The following PDE4B variants were observed in gnomAD, a reference collection of about 807,000 sequenced individuals.
PDE4B encodes 3',5'-cyclic-AMP phosphodiesterase 4B.
In PDE4B, 20 loss-of-function variants were observed where a neutral mutation model predicts 82.2. The observed-to-expected ratio is 0.24, with a 90% CI of 0.17 to 0.35. PDE4B has a LOEUF of 0.35. Ranked by LOEUF, PDE4B falls within the 10% of genes least tolerant of loss-of-function variation. PDE4B has a pLI of 1.00. For synonymous variants in PDE4B, 320 were observed against 318.9 expected (o/e 1.00, Z -0.04); for missense variants, 655 against 907.2 (o/e 0.72, Z 3.57).
chr1:65,994,605 A>G (rs1469015809), intron 3 of PDE4B, among the ~76,000 whole-genome samples: 1 of 152,106 alleles, frequency 6.6e-6, no homozygotes, highest in African/African-American at 2.4e-5. Context: ...GTATTTTCTT[A>G]TAGTTTGCTG....
At chr1:65,842,586 TATA>T (rs1343380246) in intron 1 of PDE4B, among the ~76,000 whole-genome samples, 1 of 152,164 alleles carries the variant, frequency 6.6e-6, no homozygotes. Context: ...ATTTAAGTCC[TATA>T]ATGTTCATCC....
rs553999487 is a variant in PDE4B, at chr1:65,928,424, A to T, written c.281+9589A>T. 8.3e-4 allele frequency among the ~76,000 whole-genome samples: 126 copies of T among 152,260 alleles called. 1 individual carries two copies. Among genetic ancestry groups the T allele is most frequent in the African/African-American group, 2.9e-3 (121 of 41,550 alleles). The stretch of plus-strand genomic sequence containing the variant: ...AATGCCATAACTCTACACGAGTCAG[A>T]CCATTCTGATTGCCACTTTGCCTCT... On this transcript the variant is annotated intron_variant, in intron 3 of 16. Coordinates refer to ENST00000341517, the MANE Select transcript of PDE4B (RefSeq NM_002600.4).
chr1:65,885,987 C>A (rs530777653), intron 1 of PDE4B, among the ~76,000 whole-genome samples: 1 of 150,826 alleles, frequency 6.6e-6, no homozygotes, highest in Non-Finnish European at 1.5e-5. Flanking sequence ...ACCTAAAATT[C>A]GGCCAGTTTG....
chr1:66,140,517 C>G (rs1248721597), intron 3 of PDE4B, among the ~76,000 whole-genome samples: 1 of 152,074 alleles, frequency 6.6e-6, no homozygotes. Flanking sequence ...TCAATTTGTA[C>G]TATACCAAAA....
chr1:66,368,384 G>T (rs1032172253), intron 15 of PDE4B, among the ~76,000 whole-genome samples: 4 of 152,192 alleles, frequency 2.6e-5, no homozygotes, highest in Non-Finnish European at 5.9e-5. Flanking sequence ...CTTGAAGTTT[G>T]TTAGGTCTGT....
chr1:66,208,186 G>A (rs1649717679), intron 3 of PDE4B, among the ~76,000 whole-genome samples: 1 of 152,160 alleles, frequency 6.6e-6, no homozygotes, highest in Non-Finnish European at 1.5e-5. Context: ...GCTCATAAAT[G>A]GTTTCTAATC....
Position 66,115,800 on chromosome 1 carries a change from A to T in PDE4B, c.282-131660A>T, listed in dbSNP as rs1645583337. ...TTGATAAAATGGCCTTGTTTTGATG[A>T]TAATGCTCTTTTGTTTAAATTCTGA... On this transcript the variant is annotated intron_variant, in intron 3 of 16. Coordinates refer to ENST00000341517, the MANE Select transcript of PDE4B (RefSeq NM_002600.4). Among the ~76,000 whole-genome samples the T allele has an allele frequency of 2.0e-5, 3 of 152,298 alleles. No homozygotes were observed. The South Asian group carries it at 6.2e-4, about 32-fold the overall frequency.
chr1:65,900,459 C>G (rs182887520), intron 1 of PDE4B, among the ~76,000 whole-genome samples: 2 of 151,624 alleles, frequency 1.3e-5, no homozygotes, highest in African/African-American at 2.4e-5. Context: ...TAATTTCACA[C>G]GAATTTTAGA....
chr1:65,928,555 G>A (rs766560317), intron 3 of PDE4B, among the ~76,000 whole-genome samples: 9 of 152,266 alleles, frequency 5.9e-5, no homozygotes, highest in Non-Finnish European at 8.8e-5. Context: ...TTTAAATTTT[G>A]TGGTTGAGTG....
chr1:65,966,591 A>G (rs1327500558), intron 3 of PDE4B, among the ~76,000 whole-genome samples: 3 of 152,148 alleles, frequency 2.0e-5, no homozygotes, highest in Non-Finnish European at 2.9e-5. Context: ...TATAGCCAAG[A>G]CAATCCTAAG....
chr1:66,093,692 A>G (rs1570212933), intron 3 of PDE4B, among the ~76,000 whole-genome samples: 1 of 152,018 alleles, frequency 6.6e-6, no homozygotes, highest in African/African-American at 2.4e-5. Context: ...TTTAAATAGA[A>G]CCACTTATTT....
chr1:65,860,291 T>C (rs953835418), intron 1 of PDE4B, among the ~76,000 whole-genome samples: 2 of 152,216 alleles, frequency 1.3e-5, no homozygotes, highest in South Asian at 2.1e-4. Context: ...AGTGAGAACA[T>C]GCAGTGTTTA....
chr1:66,177,683 T>C lies in PDE4B; in HGVS notation c.282-69777T>C, dbSNP rs118133449. 5.4e-4 allele frequency among the ~76,000 whole-genome samples: 57 copies of C among 105,732 alleles called. No individual in the cohort carries two copies. In the East Asian group the frequency reaches 5.7e-3, roughly 11 times the overall value. The allele number at this position is 105,732 out of a possible 152,430, so 69.4% of individuals were successfully genotyped here. A position where few individuals can be genotyped will look rare whatever the true frequency, so the allele number is the denominator to read the frequency against. ...AAGTTTAGGTTGTGTCCACAGCGCA[T>C]TGAAGCCAGATAATAAATAATGCAG... is the stretch of plus-strand genomic sequence containing the variant. On this transcript the variant is annotated intron_variant, in intron 3 of 16. Transcript: ENST00000341517.
intron 3 of PDE4B, among the ~76,000 whole-genome samples, chr1:66,164,755 C>CTTTTTTTTTTTTTTTTTTTTT: frequency 1.1e-5 from 1 of 87,874 alleles, no homozygotes; most frequent in Non-Finnish European, 2.1e-5. Flanking sequence ...CTTTTCTTTT[C>CTTTTTTTTTTTTTTTTTTTTT]TTTTTTTTTT....
intron 4 of PDE4B, among the ~76,000 whole-genome samples, chr1:66,251,191 GCTAT>G (rs930800519): frequency 4.6e-5 from 7 of 152,118 alleles, no homozygotes; most frequent in Admixed American, 3.3e-4. Context: ...TTTTCTGTAT[GCTAT>G]CTGTTAAAAT....
At chr1:66,254,660 GGGGAAA>G (rs1474592697) in intron 4 of PDE4B, among the ~76,000 whole-genome samples, 1 of 152,190 alleles carries the variant, frequency 6.6e-6, no homozygotes, top group Non-Finnish European at 1.5e-5. Context: ...CCCAACAGGA[GGGGAAA>G]CTCCTCATTT....
chr1:66,219,279 G>A (rs2101599818), intron 3 of PDE4B, among the ~76,000 whole-genome samples: 1 of 152,288 alleles, frequency 6.6e-6, no homozygotes, highest in East Asian at 1.9e-4. Context: ...AAGGTGGCAT[G>A]TTTCTCATTC....
intron 3 of PDE4B, among the ~76,000 whole-genome samples, chr1:66,143,905 G>A (rs962070200): frequency 6.6e-6 from 1 of 152,236 alleles, no homozygotes; most frequent in African/African-American, 2.4e-5. Flanking sequence ...AAGGATCCTA[G>A]AGCAGGAAGA....
At chr1:66,030,981 G>A (rs766556494) in intron 3 of PDE4B, among the ~76,000 whole-genome samples, 10 of 152,182 alleles carry the variant, frequency 6.6e-5, no homozygotes, top group Admixed American at 2.0e-4. Flanking sequence ...AGGGAAGAGG[G>A]CATGAGCTGA....
Sources: gnomAD v4.1 joint callset for allele counts (sites outside exome capture counted in the v4.1 genomes callset) on GRCh38, gnomAD v4.1.1 for gene constraint, MANE v1.5 for transcripts, NCBI Gene and HGNC (gene_info 2026-07-23, HGNC 2026-07-21) for gene names.